SMYD5: variants seen among roughly 807,000 people sequenced by gnomAD.
The protein encoded by SMYD5 is SMYD family member 5.
A neutral mutation model predicts 57.4 loss-of-function variants in SMYD5; 35 were observed. The ratio of observed to expected loss-of-function variants is 0.61; its 90% CI spans 0.47 to 0.81. SMYD5 has a LOEUF of 0.81. Among genes scored for constraint, SMYD5 ranks in the 30% least tolerant of loss-of-function variants. SMYD5 has a pLI of 0.00. For synonymous variants in SMYD5, 198 were observed against 189.7 expected (o/e 1.04, Z -0.36); for missense variants, 471 against 527.9 (o/e 0.89, Z 1.06).
At chr2:73,223,010 C>A (rs1415391522) in intron 7 of SMYD5, 26 bp from the exon 8 acceptor site, 3 of 1,601,418 alleles carry the variant, frequency 1.9e-6, no homozygotes, top group Non-Finnish European at 2.6e-6. Flanking sequence ...CTGTAATGAG[C>A]ACTCATCTCT....
Position 73,223,508 on chromosome 2 carries a change from C to CAGCT in SMYD5, c.861_864dup (p.Tyr289AlafsTer14). The CAGCT allele has an allele frequency of 1.2e-6, 2 of 1,613,660 alleles. No individual in the cohort carries two copies. Among genetic ancestry groups the CAGCT allele is most frequent in the Non-Finnish European group, 1.7e-6 (2 of 1,179,572 alleles). Reference sequence around the variant, plus strand: ...TGAGCAGCTTGACGCCTTCATTGACCAGCTATACAAGGACATCGAGGCAGG... The same window carrying CAGCT: ...TGAGCAGCTTGACGCCTTCATTGACCAGCTAGCTATACAAGGACATCGAGGCAGG... On this transcript the variant is annotated frameshift_variant, in exon 9 of 13. Coordinates refer to ENST00000389501, the MANE Select transcript of SMYD5 (RefSeq NM_006062.3). LOFTEE classifies it high-confidence loss of function.
At position 73,220,707 on chromosome 2, in the gene SMYD5, A is replaced by G; in HGVS notation, c.392A>G (p.Tyr131Cys). 1 of 1,614,026 alleles carries G rather than the reference A, an allele frequency of 6.2e-7. No individual in the cohort carries two copies. The highest frequency in any genetic ancestry group is 8.5e-7 in the Non-Finnish European group (1 of 1,179,990). The change falls in exon 4 of 13, where the codon TAC becomes TGC. Residue 131 changes from tyrosine (Y) to cysteine (C), a missense_variant. Tyr to Cys is a radical substitution (Grantham distance 194). Coordinates refer to ENST00000389501, the MANE Select transcript of SMYD5 (RefSeq NM_006062.3). ...TGTCGGTTGGCAGCCACTGAGCAAT[A>G]CCACCAGGTCCTGTGCCCAGGCCCC... ...AECRLAATEQ[Y>C]HQVLCPGPSQ...
intron 10 of SMYD5, 108 bp downstream of exon 10, chr2:73,224,111 G>T: frequency 9.9e-7 from 1 of 1,008,970 alleles, no homozygotes; most frequent in South Asian, 1.3e-5. Context: ...GGCTGGTAGG[G>T]TTGAGTCTGG....
At chr2:73,219,397 G>C (rs746349297) in intron 2 of SMYD5, among the ~76,000 whole-genome samples, 12 of 152,068 alleles carry the variant, frequency 7.9e-5, no homozygotes, top group Non-Finnish European at 1.0e-4. Flanking sequence ...GTCTGGGGGA[G>C]GGGGACGGAG....
intron 10 of SMYD5, 44 bp from the exon 11 acceptor site, chr2:73,224,820 ATT>A (rs746745279): frequency 1.4e-6 from 2 of 1,420,090 alleles, no homozygotes; most frequent in Non-Finnish European, 2.0e-6. Flanking sequence ...TGAGGCTATT[ATT>A]TTTTTTAGTC....
chr2:73,224,515 C>T (rs1273774832), intron 10 of SMYD5, among the ~76,000 whole-genome samples: 2 of 152,206 alleles, frequency 1.3e-5, no homozygotes, highest in Non-Finnish European at 2.9e-5. Context: ...TCTCAGAGGG[C>T]CTGTGTCAGC....
chr2:73,222,526 G>T (rs1445857144), intron 6 of SMYD5, among the ~76,000 whole-genome samples: 1 of 152,222 alleles, frequency 6.6e-6, no homozygotes, highest in Admixed American at 6.5e-5. Context: ...GCTGGTACAA[G>T]TGCTGGAAAA....
chr2:73,221,954 C>A, intron 6 of SMYD5, 24 bp downstream of exon 6: 2 of 1,384,926 alleles, frequency 1.4e-6, no homozygotes, highest in South Asian at 2.3e-5. Context: ...CGTGGCCTGT[C>A]TCCTTCCCTC....
chr2:73,225,211 G>C (rs952599718), intron 11 of SMYD5: 10 of 496,902 alleles, frequency 2.0e-5, no homozygotes, highest in African/African-American at 7.7e-5. Flanking sequence ...CTTGTCCCCA[G>C]CTATCTTTTG....
rs753802725 is a variant in SMYD5, at chr2:73,221,827, C to T, written c.539C>T (p.Ala180Val). Residue 180 changes from alanine to valine, a missense_variant and splice_region_variant, in exon 6 of 13, where the codon GCG becomes GTG. Coordinates refer to ENST00000389501, the MANE Select transcript of SMYD5 (RefSeq NM_006062.3). ...MARMVATVKQAKDKDRWIRLF... is the reference protein window; with the variant it reads ...MARMVATVKQVKDKDRWIRLF... ...CTTAAGTATGTTTGTTCACTGCAGG[C>T]GAAGGACAAGGACCGTTGGATCAGA... is the stretch of plus-strand genomic sequence containing the variant. 8 of 1,611,190 alleles carry T rather than the reference C, an allele frequency of 5.0e-6. No individual in the cohort carries two copies. The highest frequency in any genetic ancestry group is 6.8e-6 in the Non-Finnish European group (8 of 1,177,436).
intron 12 of SMYD5, 44 bp from the exon 13 acceptor site, chr2:73,225,752 A>G (rs1686488982): frequency 6.2e-7 from 1 of 1,613,898 alleles, no homozygotes; most frequent in East Asian, 2.2e-5. Context: ...TCCTCTACCC[A>G]TAGCTCCCTG....
intron 10 of SMYD5, 38 bp from the exon 11 acceptor site, chr2:73,224,828 T>TA: frequency 6.9e-7 from 1 of 1,453,458 alleles, no homozygotes; most frequent in Non-Finnish European, 9.6e-7. Context: ...TTATTTTTTT[T>TA]AGTCAATAAT....
At chr2:73,224,833 A>C (rs1400720464) in intron 10 of SMYD5, 33 bp from the exon 11 acceptor site, 8 of 1,514,352 alleles carry the variant, frequency 5.3e-6, no homozygotes, top group Admixed American at 1.7e-5. Flanking sequence ...TTTTTTAGTC[A>C]ATAATCCTCA....
chr2:73,221,449 T>C (rs1338904978), intron 5 of SMYD5, among the ~76,000 whole-genome samples: 1 of 151,630 alleles, frequency 6.6e-6, no homozygotes. Context: ...TTTTTTTTTT[T>C]TGTAACTTAA....
At chr2:73,222,468 G>A (rs1350849907) in intron 6 of SMYD5, among the ~76,000 whole-genome samples, 1 of 152,210 alleles carries the variant, frequency 6.6e-6, no homozygotes, top group Admixed American at 6.5e-5. Context: ...GGTCAAGGGA[G>A]ATTTGATGGT....
rs753176179 is a variant in SMYD5 at position 73,218,977 on chromosome 2, C to T, written c.205+8C>T. ...CACTTTATCGCTACCGAGGTGAGTA[C>T]ATCTCTCCTACTCCTCATGGCCCAG... On this transcript the variant is annotated splice_region_variant and intron_variant, in intron 2 of 12. Transcript: ENST00000389501. 4 of 1,585,254 alleles carry T rather than the reference C, an allele frequency of 2.5e-6. No homozygotes were observed. In the South Asian group the frequency reaches 3.3e-5, roughly 13 times the overall value.
rs1025683682 is a variant in SMYD5, at chr2:73,220,183, A to G, written c.338A>G (p.His113Arg). ...VRKDLHQNCP[H>R]CQVMYCSAEC... Reference sequence around the variant, plus strand: ...AAAGACCTCCACCAGAACTGTCCCCATTGCCAAGTGAGTATTCTTGGGGAG... The same window carrying G: ...AAAGACCTCCACCAGAACTGTCCCCGTTGCCAAGTGAGTATTCTTGGGGAG... The change falls in exon 3 of 13, where the codon CAT (histidine) becomes CGT (arginine). Residue 113 changes from histidine to arginine, a missense_variant. Physicochemically the swap from His to Arg is conservative, Grantham distance 29. Transcript: ENST00000389501. 1 of 1,614,042 alleles carries G rather than the reference A, an allele frequency of 6.2e-7. No homozygotes were observed. Among genetic ancestry groups the G allele is most frequent in the Non-Finnish European group, 8.5e-7 (1 of 1,179,962 alleles).
At chr2:73,219,968 T>C (rs1243396768) in intron 2 of SMYD5, 83 bp from the exon 3 acceptor site, 4 of 1,527,330 alleles carry the variant, frequency 2.6e-6, no homozygotes, top group East Asian at 2.2e-5. Context: ...GCCTGGCACA[T>C]AGCAGCTGCT....
intron 7 of SMYD5, 56 bp from the exon 8 acceptor site, chr2:73,222,980 A>AT (rs1480641942): frequency 7.7e-6 from 12 of 1,558,276 alleles, no homozygotes; most frequent in Non-Finnish European, 1.1e-5. Flanking sequence ...AGAGAGTCCA[A>AT]TTGGAAGAAA....
Sources: allele counts gnomAD v4.1 joint callset (sites outside exome capture counted in the v4.1 genomes callset), GRCh38; gene constraint gnomAD v4.1.1; transcripts MANE v1.5; gene names NCBI Gene and HGNC (gene_info 2026-07-23, HGNC 2026-07-21).